Variants in SLC4A3 observed in about 807,000 individuals in gnomAD.
The protein encoded by SLC4A3 is solute carrier family 4 member 3.
SLC4A3 carries 47 observed loss-of-function variants against 114.2 expected under a neutral mutation model. The observed-to-expected ratio is 0.41, with a 90% CI of 0.33 to 0.52. The LOEUF is 0.52. Ranked by LOEUF, SLC4A3 falls within the 20% of genes least tolerant of loss-of-function variation. The pLI is 0.21. For synonymous variants in SLC4A3, 693 were observed against 710.3 expected (o/e 0.98, Z 0.39); for missense variants, 1,312 against 1,668.3 (o/e 0.79, Z 3.72).
chr2:219,629,139 C>T lies in SLC4A3; in HGVS notation c.218-5C>T, dbSNP rs41272705. 4.7e-3 allele frequency: 7,369 copies of T among 1,572,930 alleles called. 32 individuals carry two copies. The highest frequency in any genetic ancestry group is 5.6e-3 in the Non-Finnish European group (6,537 of 1,157,930). ...GGGCCTCAACCGGATCTCCTGCACC[C>T]CCAGTTCACCGGCACACATCCCACC... On this transcript the variant is annotated splice_polypyrimidine_tract_variant and splice_region_variant and intron_variant, in intron 3 of 22. Transcript: ENST00000358055.
chr2:219,634,612 G>A lies in SLC4A3; in HGVS notation c.1746+8G>A, dbSNP rs754142253. On this transcript the variant is annotated splice_region_variant and intron_variant, in intron 12 of 22. Transcript: ENST00000358055. ...ACCCTTATGTCTGACAAGGTTGGGC[G>A]CGTGCTGGCTCTCAAGGCCTCTTCT... 1.4e-5 allele frequency: 22 copies of A among 1,613,276 alleles called. No individual in the cohort carries two copies. The highest frequency in any genetic ancestry group is 1.3e-4 in the Admixed American group (8 of 59,952).
chr2:219,639,533 C>T lies in SLC4A3; in HGVS notation c.3075C>T (p.His1025=), dbSNP rs1424188537. The stretch of plus-strand genomic sequence containing the variant: ...GGCTGCTCAAGGGCTCCGGTTTCCA[C>T]CTGGACCTGCTCCTCATTGGCTCCC... ...ARRLLKGSGF[H]LDLLLIGSLG... The change falls in exon 20 of 23, where the codon CAC becomes CAT. Residue 1025 remains histidine, a synonymous_variant. Transcript: ENST00000358055. The surrounding 1 kb of genome is among the most constrained non-coding windows in gnomAD (Gnocchi z 5.9). 6.2e-7 allele frequency: 1 copy of T among 1,614,092 alleles called. No individual in the cohort carries two copies. The highest frequency in any genetic ancestry group is 1.1e-5 in the South Asian group (1 of 91,084).
Position 219,639,459 on chromosome 2 carries a change from C to T in SLC4A3, c.3024-23C>T, listed in dbSNP as rs768716112. 68 of 1,605,768 alleles carry T rather than the reference C, an allele frequency of 4.2e-5. No homozygotes were observed. In the East Asian group the frequency reaches 7.6e-4, roughly 18 times the overall value. On this transcript the variant is annotated intron_variant, in intron 19 of 22. Transcript: ENST00000358055. The surrounding 1 kb of genome is among the most constrained non-coding windows in gnomAD (Gnocchi z 5.9). ...TGCCCCTGCCAGGCCAGCCACACCCCGCTCCCCACCTTCTCCCTGCAGGCT... is the reference window on the plus strand; with the variant it reads ...TGCCCCTGCCAGGCCAGCCACACCCTGCTCCCCACCTTCTCCCTGCAGGCT...
At chr2:219,632,686 C>T (rs1698970389) in intron 8 of SLC4A3, among the ~76,000 whole-genome samples, 188 bp from the exon 9 acceptor site, 1 of 152,260 alleles carries the variant, frequency 6.6e-6, no homozygotes, top group Non-Finnish European at 1.5e-5. Context: ...GCCCTCGTTT[C>T]CATGCTCCAT....
At position 219,631,081 on chromosome 2, in the gene SLC4A3, C is replaced by T. The variant is rs1210797919; in HGVS notation, c.811+729C>T. 38 of 1,098,318 alleles carry T rather than the reference C, an allele frequency of 3.5e-5. No individual in the cohort carries two copies. The highest frequency in any genetic ancestry group is 1.3e-4 in the Admixed American group (3 of 23,788). 68.0% of individuals were successfully genotyped at this position (1,098,318 alleles called of 1,614,324 possible). A position where few individuals can be genotyped will look rare whatever the true frequency, so the allele number is the denominator to read the frequency against. Reference sequence around the variant, plus strand: ...CAGACCCAGGGTGGGGGCTGGATGCCGCAGGGAGCAGGCTTGTGGACTTGG... The same window carrying T: ...CAGACCCAGGGTGGGGGCTGGATGCTGCAGGGAGCAGGCTTGTGGACTTGG... On this transcript the variant is annotated intron_variant, in intron 6 of 22. Coordinates refer to ENST00000358055, the MANE Select transcript of SLC4A3 (RefSeq NM_005070.4). The surrounding 1 kb of genome is among the most constrained non-coding windows in gnomAD (Gnocchi z 6.3).
chr2:219,628,261 A>C lies in SLC4A3; in HGVS notation c.52-144A>C, dbSNP rs1698790336. The C allele has an allele frequency of 1.1e-6, 1 of 935,122 alleles. No individual in the cohort carries two copies. The highest frequency in any genetic ancestry group is 1.6e-6 in the Non-Finnish European group (1 of 634,016). 57.9% of individuals were successfully genotyped at this position (935,122 alleles called of 1,614,324 possible). On this transcript the variant is annotated intron_variant, in intron 2 of 22. Coordinates refer to ENST00000358055, the MANE Select transcript of SLC4A3 (RefSeq NM_005070.4). The surrounding 1 kb of genome is among the most constrained non-coding windows in gnomAD (Gnocchi z 4.8). ...GAGCCCAGAGAGGGTGGTTTCTGGG[A>C]TGCTGACACAGGCCTGGGAGCAAGG...
chr2:219,631,206 G>A lies in SLC4A3; in HGVS notation c.812-762G>A. 1 of 1,224,436 alleles carries A rather than the reference G, an allele frequency of 8.2e-7. No individual in the cohort carries two copies. The highest frequency in any genetic ancestry group is 1.1e-6 in the Non-Finnish European group (1 of 947,302). The allele number at this position is 1,224,436 out of a possible 1,614,324, so 75.8% of individuals were successfully genotyped here. On this transcript the variant is annotated intron_variant, in intron 6 of 22. Transcript: ENST00000358055. This position sits in a 1 kb window ranked among gnomAD's most constrained non-coding sequence, Gnocchi z 6.3. ...GTAGGAGAGCCGAGGGGTCTGGTAG[G>A]GAGCGGAGGCCGAGGTCTCGGCCAC... is the stretch of plus-strand genomic sequence containing the variant.
rs1699185900 is a variant in SLC4A3, at chr2:219,637,906, T to C, written c.2766+95T>C. ...CTGCACCCCTTCCCCGGTCAGCCCA[T>C]GGACCAAAACCCAGCTCGGGCAGCC... On this transcript the variant is annotated intron_variant, in intron 17 of 22. Coordinates refer to ENST00000358055, the MANE Select transcript of SLC4A3 (RefSeq NM_005070.4). This position sits in a 1 kb window ranked among gnomAD's most constrained non-coding sequence, Gnocchi z 4.6. 1 of 1,063,462 alleles carries C rather than the reference T, an allele frequency of 9.4e-7. No homozygotes were observed. Among genetic ancestry groups the C allele is most frequent in the East Asian group, 2.5e-5 (1 of 40,706 alleles). The allele number at this position is 1,063,462 out of a possible 1,614,324, so 65.9% of individuals were successfully genotyped here.
Position 219,630,833 on chromosome 2 carries a change from G to A in SLC4A3, c.811+481G>A, listed in dbSNP as rs1254809012. ...TTCCTTCCATCTTATCAGTGCCCTG[G>A]TTTCTGTGCCACCTGTCATCACCCG... On this transcript the variant is annotated intron_variant, in intron 6 of 22. Coordinates refer to ENST00000358055, the MANE Select transcript of SLC4A3 (RefSeq NM_005070.4). The surrounding 1 kb of genome is among the most constrained non-coding windows in gnomAD (Gnocchi z 6.9). Among the ~76,000 whole-genome samples the A allele has an allele frequency of 6.6e-6, 1 of 152,096 alleles. No individual in the cohort carries two copies. Among genetic ancestry groups the A allele is most frequent in the African/African-American group, 2.4e-5 (1 of 41,410 alleles).
At position 219,641,252 on chromosome 2, in the gene SLC4A3, T is replaced by C. The variant is rs1699317038; in HGVS notation, c.3621+290T>C. Among the ~76,000 whole-genome samples, 1 of 152,152 alleles carries C rather than the reference T, an allele frequency of 6.6e-6. No homozygotes were observed. The highest frequency in any genetic ancestry group is 2.4e-5 in the African/African-American group (1 of 41,438). ...TGCACACAGCTGTGCAGGTGGTGCC[T>C]GACCAAAAACACCCGGCTGAGAGGC... is the stretch of plus-strand genomic sequence containing the variant. On this transcript the variant is annotated intron_variant, in intron 22 of 22. Coordinates refer to ENST00000358055, the MANE Select transcript of SLC4A3 (RefSeq NM_005070.4). The surrounding 1 kb of genome is among the most constrained non-coding windows in gnomAD (Gnocchi z 4.0).
At chr2:219,633,715 G>T (rs999359282) in intron 10 of SLC4A3, 165 bp from the exon 11 acceptor site, 2 of 1,104,266 alleles carry the variant, frequency 1.8e-6, no homozygotes, top group Non-Finnish European at 2.5e-6. Context: ...ATCGAGGCAG[G>T]GTCCACATCC....
rs761664099 is a variant in SLC4A3 at position 219,628,032 on chromosome 2, C to A, written c.40C>A (p.Pro14Thr). 2 of 1,579,614 alleles carry A rather than the reference C, an allele frequency of 1.3e-6. No homozygotes were observed. Among genetic ancestry groups the A allele is most frequent in the South Asian group, 1.1e-5 (1 of 87,028 alleles). The change falls in exon 2 of 23, where the codon CCC becomes ACC. Residue 14 changes from proline (P) to threonine (T), a missense_variant. Coordinates refer to ENST00000358055, the MANE Select transcript of SLC4A3 (RefSeq NM_005070.4). This position sits in a 1 kb window ranked among gnomAD's most constrained non-coding sequence, Gnocchi z 4.8. ...GATCCCGCCGCCCGGGGGCGCCTCC[C>A]CCCTACCCCAGGTGATCGGCGCGCG... Reference protein sequence around the residue: ...GVIPPPGGASPLPQVRVPLEE... With the variant: ...GVIPPPGGASTLPQVRVPLEE...
At position 219,637,501 on chromosome 2, in the gene SLC4A3, C is replaced by A. The variant is rs1699166455; in HGVS notation, c.2536-80C>A. ...ACCAGGTATTGAGGGGCCACCCTCTCTCTCACAGGTGTACTGATGACGATG... is the reference window on the plus strand; with the variant it reads ...ACCAGGTATTGAGGGGCCACCCTCTATCTCACAGGTGTACTGATGACGATG... On this transcript the variant is annotated intron_variant, in intron 16 of 22. Transcript: ENST00000358055. The surrounding 1 kb of genome is among the most constrained non-coding windows in gnomAD (Gnocchi z 4.6). 3 of 766,914 alleles carry A rather than the reference C, an allele frequency of 3.9e-6. No homozygotes were observed. Among genetic ancestry groups the A allele is most frequent in the Non-Finnish European group, 4.4e-6 (2 of 454,190 alleles). 47.5% of individuals were successfully genotyped at this position (766,914 alleles called of 1,614,324 possible). A position where few individuals can be genotyped will look rare whatever the true frequency, so the allele number is the denominator to read the frequency against.
chr2:219,641,900 C>A lies in SLC4A3; in HGVS notation c.*172C>A, dbSNP rs912031527. 1.0e-5 allele frequency: 6 copies of A among 593,252 alleles called. No homozygotes were observed. Among genetic ancestry groups the A allele is most frequent in the Non-Finnish European group, 1.2e-5 (4 of 330,710 alleles). The allele number at this position is 593,252 out of a possible 1,614,324, so 36.7% of individuals were successfully genotyped here. On this transcript the variant is annotated 3_prime_UTR_variant, in exon 23 of 23. Coordinates refer to ENST00000358055, the MANE Select transcript of SLC4A3 (RefSeq NM_005070.4). This position sits in a 1 kb window ranked among gnomAD's most constrained non-coding sequence, Gnocchi z 4.0. ...CCCTGACTTCTGCCCGGGGTGTTGA[C>A]CTCGCCTCACCTTTCACAGACCAGA...
rs1435509943 is a variant in SLC4A3, at chr2:219,641,577, T to TGGA, written c.3622-66_3622-64dup. On this transcript the variant is annotated intron_variant, in intron 22 of 22. Transcript: ENST00000358055. This position sits in a 1 kb window ranked among gnomAD's most constrained non-coding sequence, Gnocchi z 4.0. ...TCAGGGAGCAGGGAGGGCTGCAGGT[T>TGGA]GGAGGAGGAGCTGGAGAATGGGAGG... The TGGA allele has an allele frequency of 1.7e-6, 2 of 1,207,010 alleles. No individual in the cohort carries two copies. Among genetic ancestry groups the TGGA allele is most frequent in the African/African-American group, 3.0e-5 (2 of 66,986 alleles). 74.8% of individuals were successfully genotyped at this position (1,207,010 alleles called of 1,614,324 possible). A position where few individuals can be genotyped will look rare whatever the true frequency, so the allele number is the denominator to read the frequency against.
Position 219,630,234 on chromosome 2 carries a change from G to A in SLC4A3, c.693G>A (p.Leu231=). 1 of 1,613,210 alleles carries A rather than the reference G, an allele frequency of 6.2e-7. No homozygotes were observed. The highest frequency in any genetic ancestry group is 8.5e-7 in the Non-Finnish European group (1 of 1,179,790). ...GGAGCCCATCGGCCAGTTATGACCT[G>A]CGGGAGCGACTGTGCCCAGGCAGTG... is the stretch of plus-strand genomic sequence containing the variant. ...RPWSPSASYD[L]RERLCPGSAL... is the part of the protein sequence containing the mutation. The change falls in exon 6 of 23, where the codon CTG becomes CTA. Residue 231 remains leucine (L), a synonymous_variant. Transcript: ENST00000358055. This position sits in a 1 kb window ranked among gnomAD's most constrained non-coding sequence, Gnocchi z 6.9.
chr2:219,641,681 G>C lies in SLC4A3; in HGVS notation c.3652G>C (p.Asp1218His). The C allele has an allele frequency of 6.2e-7, 1 of 1,614,126 alleles. No individual in the cohort carries two copies. The highest frequency in any genetic ancestry group is 8.5e-7 in the Non-Finnish European group (1 of 1,180,008). ...CTCGGAAGATGCTGAACCAAACTTC[G>C]ATGAGGATGGCCAGGATGAGTACAA... The part of the protein sequence containing the change: ...LDSEDAEPNF[D>H]EDGQDEYNEL... Residue 1218 changes from aspartate (D) to histidine (H), a missense_variant, in exon 23 of 23, where the codon GAT (aspartate) becomes CAT (histidine). Asp to His is a moderately conservative substitution (Grantham distance 81, BLOSUM62 -1). Transcript: ENST00000358055. The surrounding 1 kb of genome is among the most constrained non-coding windows in gnomAD (Gnocchi z 4.0).
rs1192667099 is a variant in SLC4A3, at chr2:219,638,513, A to G, written c.2857-190A>G. Among the ~76,000 whole-genome samples the G allele has an allele frequency of 3.9e-5, 6 of 152,126 alleles. No individual in the cohort carries two copies. The stretch of plus-strand genomic sequence containing the variant: ...CTGGGGCTCAGGGAGGAGGCGCTTC[A>G]TTTCCCTGCCCTCTATTGGATCCTT... On this transcript the variant is annotated intron_variant, in intron 18 of 22. Transcript: ENST00000358055. This position sits in a 1 kb window ranked among gnomAD's most constrained non-coding sequence, Gnocchi z 7.5.
rs542511794 is a variant in SLC4A3 at position 219,638,479 on chromosome 2, C to A, written c.2857-224C>A. Among the ~76,000 whole-genome samples, 10 of 152,300 alleles carry A rather than the reference C, an allele frequency of 6.6e-5. No homozygotes were observed. The highest frequency in any genetic ancestry group is 3.4e-3 in the Middle Eastern group (1 of 294). ...GAATGACAGTATCCCACACAGGTCC[C>A]CTGAAGCTCTGGGGCTCAGGGAGGA... On this transcript the variant is annotated intron_variant, in intron 18 of 22. Coordinates refer to ENST00000358055, the MANE Select transcript of SLC4A3 (RefSeq NM_005070.4). This position sits in a 1 kb window ranked among gnomAD's most constrained non-coding sequence, Gnocchi z 7.5.
Sources: gnomAD v4.1 joint callset for allele counts (sites outside exome capture counted in the v4.1 genomes callset) on GRCh38, gnomAD v4.1.1 for gene constraint, Gnocchi (gnomAD v3.1) non-coding constraint, MANE v1.5 for transcripts, NCBI Gene and HGNC (gene_info 2026-07-23, HGNC 2026-07-21) for gene names.